The following CDH4 variants were observed in gnomAD, a reference collection of about 807,000 sequenced individuals.
CDH4 encodes the protein cadherin 4.
In CDH4, 33 loss-of-function variants were observed where a neutral mutation model predicts 86.0. The observed-to-expected ratio is 0.38, with a 90% CI of 0.29 to 0.51. The LOEUF (loss-of-function observed/expected upper bound fraction) is 0.51, where lower values mean the gene tolerates loss of function less well. CDH4 is among the 20% of genes least tolerant of loss of function. The pLI, the probability that CDH4 is intolerant of heterozygous loss-of-function variation, is 0.86. For synonymous variants in CDH4, 555 were observed against 549.4 expected (o/e 1.01, Z -0.14); for missense variants, 1,114 against 1,307.4 (o/e 0.85, Z 2.28).
chr20:61,658,793 C>G (rs554335163), intron 2 of CDH4, among the ~76,000 whole-genome samples: 1 of 152,286 alleles, frequency 6.6e-6, no homozygotes, highest in African/African-American at 2.4e-5. Context: ...GCAACACCCA[C>G]AGTGGACATG....
chr20:61,264,183 G>A (rs1449830886), intron 2 of CDH4, among the ~76,000 whole-genome samples: 1 of 152,148 alleles, frequency 6.6e-6, no homozygotes, highest in African/African-American at 2.4e-5. Context: ...GTGTGTGTGG[G>A]AGTTTCCCAC....
chr20:61,258,894 A>G (rs1033659063), intron 2 of CDH4, among the ~76,000 whole-genome samples: 4 of 152,214 alleles, frequency 2.6e-5, no homozygotes, highest in Non-Finnish European at 5.9e-5. Flanking sequence ...CTTTCTCAGA[A>G]TCCCTGCAGA....
intron 2 of CDH4, among the ~76,000 whole-genome samples, chr20:61,287,497 T>A (rs2084299738): frequency 6.6e-6 from 1 of 152,028 alleles, no homozygotes; most frequent in Admixed American, 6.5e-5. Context: ...AAAGAGTGCT[T>A]ATGGGGTCCT....
In CDH4 at chr20:61,407,597, T is replaced by C. The variant is rs562625001; in HGVS notation, c.169+152660T>C. 9.2e-5 allele frequency among the ~76,000 whole-genome samples: 14 copies of C among 152,356 alleles called. 1 individual carries two copies. The South Asian group carries it at 2.9e-3, about 32-fold the overall frequency. Reference sequence around the variant, plus strand: ...TTCCCTATGAAATTGCTCCAGAAATTATACTCAACTGGGTATTTTCCCCAG... The same window carrying C: ...TTCCCTATGAAATTGCTCCAGAAATCATACTCAACTGGGTATTTTCCCCAG... On this transcript the variant is annotated intron_variant, in intron 2 of 15. Coordinates refer to ENST00000614565, the MANE Select transcript of CDH4 (RefSeq NM_001794.5).
At chr20:61,509,705 C>T (rs933179614) in intron 2 of CDH4, among the ~76,000 whole-genome samples, 13 of 151,906 alleles carry the variant, frequency 8.6e-5, no homozygotes, top group Non-Finnish European at 8.8e-5. Flanking sequence ...GCAGAGTCCA[C>T]GGAAGGGGAA....
intron 4 of CDH4, among the ~76,000 whole-genome samples, chr20:61,793,801 T>C (rs1333015301): frequency 1.4e-5 from 2 of 138,936 alleles, no homozygotes; most frequent in African/African-American, 2.7e-5. Context: ...ATCACGCCAC[T>C]GCACTCCAGC....
intron 8 of CDH4, among the ~76,000 whole-genome samples, chr20:61,899,023 G>A (rs1469802671): frequency 7.9e-5 from 12 of 152,240 alleles, no homozygotes; most frequent in East Asian, 1.9e-4. Flanking sequence ...AGGGCCGGGC[G>A]CAGTGGCCCA....
intron 2 of CDH4, among the ~76,000 whole-genome samples, chr20:61,452,299 A>G (rs1034445781): frequency 6.6e-6 from 1 of 152,180 alleles, no homozygotes; most frequent in African/African-American, 2.4e-5. Flanking sequence ...CCTCTTGTCC[A>G]TAATAGATCT....
chr20:61,665,244 C>T (rs2087309935), intron 2 of CDH4, among the ~76,000 whole-genome samples: 1 of 152,232 alleles, frequency 6.6e-6, no homozygotes, highest in Non-Finnish European at 1.5e-5. Flanking sequence ...CTGGGGGCGG[C>T]CTTGGCCTCC....
intron 6 of CDH4, among the ~76,000 whole-genome samples, chr20:61,872,393 G>A (rs1983843443): frequency 1.3e-5 from 2 of 152,190 alleles, no homozygotes; most frequent in South Asian, 2.1e-4. Flanking sequence ...AGGGAAGAAC[G>A]TTCCAGATGC....
At position 61,480,524 on chromosome 20, in the gene CDH4, G is replaced by C. The variant is rs926078213; in HGVS notation, c.169+225587G>C. ...CCAGGCAGAACTGGACCCTGCAGGAGCCAGGCCCCTCCCTTCCCAGTGGCA... is the reference window on the plus strand; with the variant it reads ...CCAGGCAGAACTGGACCCTGCAGGACCCAGGCCCCTCCCTTCCCAGTGGCA... On this transcript the variant is annotated intron_variant, in intron 2 of 15. Coordinates refer to ENST00000614565, the MANE Select transcript of CDH4 (RefSeq NM_001794.5). The surrounding 1 kb of genome is among the most constrained non-coding windows in gnomAD (Gnocchi z 5.2). Among the ~76,000 whole-genome samples the C allele has an allele frequency of 6.6e-6, 1 of 152,352 alleles. No homozygotes were observed. The highest frequency in any genetic ancestry group is 6.5e-5 in the Admixed American group (1 of 15,306).
At position 61,706,767 on chromosome 20, in the gene CDH4, G is replaced by A. The variant is rs138781813; in HGVS notation, c.170-36796G>A. Reference sequence around the variant, plus strand: ...GGGAACAGTGGTTGGGAATCTCACCGGAACTGGCTCGGGCAGGACGTTCAT... The same window carrying A: ...GGGAACAGTGGTTGGGAATCTCACCAGAACTGGCTCGGGCAGGACGTTCAT... On this transcript the variant is annotated intron_variant, in intron 2 of 15. Transcript: ENST00000614565. Among the ~76,000 whole-genome samples, 72 of 152,324 alleles carry A rather than the reference G, an allele frequency of 4.7e-4. 1 individual carries two copies. The East Asian group carries it at 9.4e-3, about 20-fold the overall frequency.
chr20:61,830,839 G>A (rs772477276), intron 4 of CDH4, among the ~76,000 whole-genome samples: 10 of 152,178 alleles, frequency 6.6e-5, no homozygotes, highest in Non-Finnish European at 8.8e-5. Context: ...GCTGAGTCTC[G>A]GAGCTGCAGG....
At chr20:61,895,357 G>A (rs1314050450) in intron 8 of CDH4, among the ~76,000 whole-genome samples, 2 of 152,248 alleles carry the variant, frequency 1.3e-5, no homozygotes, top group Non-Finnish European at 2.9e-5. Context: ...CTGCCACTTT[G>A]GAAGGCCTGC....
At chr20:61,777,758 A>C (rs561035573) in intron 4 of CDH4, among the ~76,000 whole-genome samples, 1 of 151,614 alleles carries the variant, frequency 6.6e-6, no homozygotes, top group Non-Finnish European at 1.5e-5. Flanking sequence ...CCACATGCGC[A>C]CACACGTGCA....
chr20:61,622,038 C>T (rs1345266855), intron 2 of CDH4, among the ~76,000 whole-genome samples: 1 of 152,248 alleles, frequency 6.6e-6, no homozygotes, highest in African/African-American at 2.4e-5. Context: ...CTCACAGTTG[C>T]GTCTTGCCCT....
chr20:61,385,670 G>A (rs2084947133), intron 2 of CDH4, among the ~76,000 whole-genome samples: 1 of 152,026 alleles, frequency 6.6e-6, no homozygotes, highest in African/African-American at 2.4e-5. Flanking sequence ...TGCTGTCCAC[G>A]CTGTATCCAG....
At chr20:61,845,643 C>T (rs895741627) in intron 5 of CDH4, among the ~76,000 whole-genome samples, 5 of 152,258 alleles carry the variant, frequency 3.3e-5, no homozygotes, top group African/African-American at 9.6e-5. Context: ...CAGATGCTGT[C>T]GCCTCTCCTG....
intron 2 of CDH4, among the ~76,000 whole-genome samples, chr20:61,558,112 G>C (rs2086190802): frequency 6.6e-6 from 1 of 152,124 alleles, no homozygotes; most frequent in East Asian, 1.9e-4. Flanking sequence ...TTATTAATGT[G>C]ATCATATCAG....
Sources: allele counts gnomAD v4.1 joint callset (sites outside exome capture counted in the v4.1 genomes callset), GRCh38; gene constraint gnomAD v4.1.1; non-coding constraint Gnocchi (gnomAD v3.1); transcripts MANE v1.5; gene names NCBI Gene and HGNC (gene_info 2026-07-23, HGNC 2026-07-21).